TENM2: variants seen among roughly 807,000 people sequenced by gnomAD.
The protein encoded by TENM2 is teneurin transmembrane protein 2.
In TENM2, 52 loss-of-function variants were observed where a neutral mutation model predicts 245.2. The observed-to-expected ratio is 0.21, with a 90% CI of 0.17 to 0.27. The LOEUF (loss-of-function observed/expected upper bound fraction) is 0.27. Among genes scored for constraint, TENM2 ranks in the 10% least tolerant of loss-of-function variants. The pLI is 1.00. For missense variants in TENM2, 3,046 were observed against 3,666.8 expected, an observed-to-expected ratio of 0.83 and a Z score of 4.37; for synonymous variants, 1,363 against 1,438.9, an observed-to-expected ratio of 0.95 and a Z score of 1.19.
chr5:167,769,909 GT>G (rs145645328), intron 2 of TENM2, among the ~76,000 whole-genome samples: 11 of 151,726 alleles, frequency 7.2e-5, no homozygotes, highest in East Asian at 3.9e-4. Context: ...AAGTTTGCTA[GT>G]TTTTTTTTCC....
intron 2 of TENM2, among the ~76,000 whole-genome samples, chr5:167,591,660 A>T (rs1488150862): frequency 1.3e-5 from 2 of 152,246 alleles, no homozygotes; most frequent in African/African-American, 4.8e-5. Context: ...TTGCAAATAA[A>T]TTAAACTCTT....
chr5:167,167,333 C>T, the TENM2 span, among the ~76,000 whole-genome samples: 48 of 152,264 alleles, frequency 3.2e-4, no homozygotes, highest in African/African-American at 1.1e-3. Flanking sequence ...CATTTGTTCA[C>T]GCCCCAGGCC....
chr5:168,150,825 C>T (rs1289263975), intron 12 of TENM2, among the ~76,000 whole-genome samples: 6 of 152,212 alleles, frequency 3.9e-5, no homozygotes, highest in Non-Finnish European at 1.5e-5. Flanking sequence ...GATTCACACC[C>T]TCCCTTTACC....
rs199925103 is a variant in TENM2 at position 167,755,116 on chromosome 5, T to A, written c.503-120870T>A. 1.6e-3 allele frequency: 2,577 copies of A among 1,599,066 alleles called. 3 individuals are homozygous for A. Among genetic ancestry groups the A allele is most frequent in the Non-Finnish European group, 2.1e-3 (2,442 of 1,179,502 alleles). ...GCACAATTGAATGCAAGCCAGATCA[T>A]CTCTTATGGAGACCCGGCAGTACCT... On this transcript the variant is annotated intron_variant, in intron 2 of 28. Coordinates refer to ENST00000518659, the Ensembl canonical transcript of TENM2.
chr5:167,798,757 A>G (rs1013040732), intron 2 of TENM2, among the ~76,000 whole-genome samples: 3 of 152,220 alleles, frequency 2.0e-5, no homozygotes, highest in African/African-American at 7.2e-5. Flanking sequence ...TACTGTCCTC[A>G]GAGGCTCTGT....
intron 5 of TENM2, among the ~76,000 whole-genome samples, chr5:168,019,085 C>A (rs1451877146): frequency 2.6e-5 from 4 of 151,968 alleles, no homozygotes; most frequent in African/African-American, 4.8e-5. Context: ...GGGAGAAATA[C>A]CTTTCAGGAA....
intron 2 of TENM2, among the ~76,000 whole-genome samples, chr5:167,596,503 A>G (rs929826124): frequency 6.6e-6 from 1 of 152,184 alleles, no homozygotes; most frequent in Admixed American, 6.5e-5. Context: ...AATAAAAAAT[A>G]AAAATGCAGG....
chr5:168,049,312 A>G (rs1379013178), intron 6 of TENM2, among the ~76,000 whole-genome samples: 1 of 152,206 alleles, frequency 6.6e-6, no homozygotes, highest in Admixed American at 6.5e-5. Context: ...CGTTTTATCC[A>G]TAAATGTCCT....
intron 2 of TENM2, among the ~76,000 whole-genome samples, chr5:167,661,527 A>C (rs1364554245): frequency 2.6e-5 from 4 of 152,184 alleles, no homozygotes; most frequent in Non-Finnish European, 4.4e-5. Context: ...ATGTCCCTGG[A>C]GCTGAAAGGG....
intron 4 of TENM2, chr5:167,965,442 T>G (rs1641678080): frequency 6.6e-6 from 1 of 152,138 alleles, no homozygotes; most frequent in Non-Finnish European, 1.5e-5. Context: ...CCAGGCCAGA[T>G]GCAGTGGTTC....
chr5:167,159,014 C>T, the TENM2 span, among the ~76,000 whole-genome samples: 1 of 149,086 alleles, frequency 6.7e-6, no homozygotes, highest in African/African-American at 2.5e-5. Flanking sequence ...AGTGCAGTGG[C>T]GTATCTCAGC....
chr5:167,816,993 G>A (rs1261899084), intron 2 of TENM2, among the ~76,000 whole-genome samples: 1 of 152,218 alleles, frequency 6.6e-6, no homozygotes, highest in Non-Finnish European at 1.5e-5. Context: ...TCTGTGCAGT[G>A]AATAAAACAG....
At chr5:167,694,045 G>C (rs1029641270) in intron 2 of TENM2, among the ~76,000 whole-genome samples, 2 of 152,064 alleles carry the variant, frequency 1.3e-5, no homozygotes, top group South Asian at 2.1e-4. Context: ...TTTTAGAAAG[G>C]CACCAGAAAT....
At chr5:167,431,965 A>G (rs1208783179) in intron 2 of TENM2, among the ~76,000 whole-genome samples, 2 of 133,316 alleles carry the variant, frequency 1.5e-5, no homozygotes, top group African/African-American at 2.8e-5. Flanking sequence ...ATATATGTAT[A>G]TATATATATA....
intron 2 of TENM2, among the ~76,000 whole-genome samples, chr5:167,451,205 G>A (rs1438649139): frequency 1.3e-5 from 2 of 152,082 alleles, no homozygotes; most frequent in African/African-American, 4.8e-5. Flanking sequence ...TCATATTTAA[G>A]CGACGATATC....
intron 2 of TENM2, among the ~76,000 whole-genome samples, chr5:167,666,374 T>C (rs539647248): frequency 6.6e-6 from 1 of 152,268 alleles, no homozygotes; most frequent in South Asian, 2.1e-4. Flanking sequence ...ACTGGCAAAA[T>C]TGGGAATAGT....
intron 2 of TENM2, among the ~76,000 whole-genome samples, chr5:167,579,170 G>A (rs1472389063): frequency 1.3e-5 from 2 of 152,060 alleles, no homozygotes; most frequent in Non-Finnish European, 2.9e-5. Context: ...AAACACAAAA[G>A]GCATCACTCA....
intron 25 of TENM2, chr5:168,229,744 A>C (rs1275504751): frequency 6.6e-6 from 1 of 152,200 alleles, no homozygotes; most frequent in Non-Finnish European, 1.5e-5. Context: ...CTCCATATTA[A>C]GATTCCGCCT....
chr5:167,420,815 T>C lies in TENM2; in HGVS notation c.502+45342T>C, dbSNP rs115408926. Among the ~76,000 whole-genome samples, 871 of 152,298 alleles carry C rather than the reference T, an allele frequency of 5.7e-3. 9 individuals carry two copies. The highest frequency in any genetic ancestry group is 0.02 in the African/African-American group (824 of 41,556). On this transcript the variant is annotated intron_variant, in intron 2 of 28. Transcript: ENST00000518659. ...CACCCTGTCCCTACTGGAATATTAGTTCCAGAGTGGCAGGAATCTTTGTTT... is the reference window on the plus strand; with the variant it reads ...CACCCTGTCCCTACTGGAATATTAGCTCCAGAGTGGCAGGAATCTTTGTTT...
Sources: allele counts gnomAD v4.1 joint callset (sites outside exome capture counted in the v4.1 genomes callset), GRCh38; gene constraint gnomAD v4.1.1; transcripts MANE v1.5; gene names NCBI Gene and HGNC (gene_info 2026-07-23, HGNC 2026-07-21).